The following KCNMB2 variants were observed in gnomAD, a reference collection of about 807,000 sequenced individuals.
KCNMB2 encodes potassium calcium-activated channel subfamily M regulatory beta subunit 2.
KCNMB2 carries 9 observed loss-of-function variants against 24.5 expected under a neutral mutation model. The ratio of observed to expected loss-of-function variants is 0.37; its 90% confidence interval spans 0.22 to 0.64. The LOEUF (loss-of-function observed/expected upper bound fraction) is 0.64, where lower values mean the gene tolerates loss of function less well. KCNMB2 is among the 30% of genes least tolerant of loss of function. KCNMB2 has a pLI of 0.63. For missense variants in KCNMB2, 226 were observed against 284.3 expected (o/e 0.79, Z 1.47); for synonymous variants, 109 against 104.4 (o/e 1.04, Z -0.27).
At chr3:178,799,499 C>T (rs2108446610) in intron 1 of KCNMB2, among the ~76,000 whole-genome samples, 1 of 152,002 alleles carries the variant, frequency 6.6e-6, no homozygotes, top group South Asian at 2.1e-4. Flanking sequence ...ACAATGAAAA[C>T]TATAAAACAA....
chr3:178,788,219 C>T (rs56126164), intron 1 of KCNMB2, among the ~76,000 whole-genome samples: 21,672 of 152,034 alleles, frequency 0.14, 1,870 homozygotes, highest in Admixed American at 0.18. Context: ...GCTGTGTATG[C>T]GTGATGCCCA....
rs187811407 is a variant in KCNMB2, at chr3:178,657,938, A to C, written c.-68+121227A>C. Among the ~76,000 whole-genome samples, 5 of 152,322 alleles carry C rather than the reference A, an allele frequency of 3.3e-5. No homozygotes were observed. In the East Asian group the frequency reaches 7.7e-4, roughly 24 times the overall value. On this transcript the variant is annotated intron_variant, in intron 1 of 4. Transcript: ENST00000452583. ...GAAAGCAATGCATCCTAATGACCTA[A>C]TTGCTTCTTAAATGAACCACCTCCC...
At chr3:178,690,178 A>T (rs1216231896) in intron 1 of KCNMB2, among the ~76,000 whole-genome samples, 1 of 152,206 alleles carries the variant, frequency 6.6e-6, no homozygotes, top group Non-Finnish European at 1.5e-5. Context: ...TGTGAATCTT[A>T]TCATTGTATG....
intron 1 of KCNMB2, among the ~76,000 whole-genome samples, chr3:178,571,447 GATATAT>G (rs71181237): frequency 0.023 from 2,059 of 90,970 alleles, 48 homozygotes; most frequent in Non-Finnish European, 0.026. Flanking sequence ...TTTCCTTATG[GATATAT>G]ATATATATAT....
chr3:178,686,249 A>G (rs1721467589), intron 1 of KCNMB2, among the ~76,000 whole-genome samples: 1 of 152,232 alleles, frequency 6.6e-6, no homozygotes, highest in African/African-American at 2.4e-5. Flanking sequence ...ATAAAGTTCT[A>G]CGTGGCATGG....
At chr3:178,577,141 T>C (rs1450206967) in intron 1 of KCNMB2, among the ~76,000 whole-genome samples, 1 of 152,018 alleles carries the variant, frequency 6.6e-6, no homozygotes, top group Non-Finnish European at 1.5e-5. Context: ...GGTGGGTGCC[T>C]CTCTGGGACA....
At chr3:178,639,621 T>C (rs1158423474) in intron 1 of KCNMB2, among the ~76,000 whole-genome samples, 1 of 152,234 alleles carries the variant, frequency 6.6e-6, no homozygotes, top group Non-Finnish European at 1.5e-5. Flanking sequence ...AGGAGTAACT[T>C]TCCCCTTTGG....
intron 2 of KCNMB2, among the ~76,000 whole-genome samples, chr3:178,808,779 C>A (rs1219509250): frequency 6.6e-6 from 1 of 151,914 alleles, no homozygotes; most frequent in African/African-American, 2.4e-5. Context: ...ACGATTGCAG[C>A]CACAAAAAAT....
intron 1 of KCNMB2, among the ~76,000 whole-genome samples, chr3:178,631,495 C>T (rs1481223240): frequency 6.6e-6 from 1 of 152,252 alleles, no homozygotes; most frequent in African/African-American, 2.4e-5. Context: ...GCTGGCATTC[C>T]TTAATTCCCT....
intron 1 of KCNMB2, among the ~76,000 whole-genome samples, chr3:178,609,458 G>A (rs1342498274): frequency 6.7e-6 from 1 of 149,412 alleles, no homozygotes; most frequent in African/African-American, 2.4e-5. Flanking sequence ...TACAACCCTT[G>A]CTGTGCAGAA....
intron 1 of KCNMB2, among the ~76,000 whole-genome samples, chr3:178,611,789 T>A (rs891898459): frequency 2.0e-5 from 3 of 152,194 alleles, no homozygotes; most frequent in African/African-American, 7.2e-5. Flanking sequence ...ATTTTTATAC[T>A]AATTATGGGA....
intron 2 of KCNMB2, among the ~76,000 whole-genome samples, chr3:178,810,565 T>C (rs1019818786): frequency 3.9e-5 from 6 of 152,256 alleles, no homozygotes; most frequent in Non-Finnish European, 8.8e-5. Flanking sequence ...TCAGTTTTAC[T>C]TTTTTTTCCT....
At chr3:178,780,418 A>G (rs948847417) in intron 1 of KCNMB2, among the ~76,000 whole-genome samples, 1 of 152,232 alleles carries the variant, frequency 6.6e-6, no homozygotes, top group Non-Finnish European at 1.5e-5. Flanking sequence ...GTTGAGACTC[A>G]GGGATGCAAG....
intron 1 of KCNMB2, among the ~76,000 whole-genome samples, chr3:178,793,669 G>C (rs191622224): frequency 3.5e-4 from 53 of 152,228 alleles, no homozygotes; most frequent in African/African-American, 1.2e-3. Context: ...AGCAGGTTCT[G>C]AGCAGAAGAC....
chr3:178,548,018 C>T (rs1715831182), intron 1 of KCNMB2, among the ~76,000 whole-genome samples: 1 of 152,216 alleles, frequency 6.6e-6, no homozygotes, highest in Non-Finnish European at 1.5e-5. Flanking sequence ...ACTGATTCTT[C>T]TTTCAAAATA....
At chr3:178,741,758 C>T (rs137871934) in intron 1 of KCNMB2, among the ~76,000 whole-genome samples, 5 of 152,164 alleles carry the variant, frequency 3.3e-5, no homozygotes, top group Non-Finnish European at 7.4e-5. Flanking sequence ...AGTGTGTAGT[C>T]TGGTCAACAA....
chr3:178,712,541 G>A (rs1448996270), intron 1 of KCNMB2, among the ~76,000 whole-genome samples: 1 of 152,172 alleles, frequency 6.6e-6, no homozygotes, highest in Non-Finnish European at 1.5e-5. Context: ...GCCAATGATA[G>A]CTGACATTTA....
intron 1 of KCNMB2, among the ~76,000 whole-genome samples, chr3:178,731,771 C>T (rs1345118702): frequency 2.6e-5 from 4 of 152,148 alleles, no homozygotes; most frequent in African/African-American, 9.7e-5. Flanking sequence ...GCCATGGTGG[C>T]ACATGCCTGT....
intron 1 of KCNMB2, among the ~76,000 whole-genome samples, chr3:178,545,990 T>A (rs1715760344): frequency 6.6e-6 from 1 of 152,190 alleles, no homozygotes; most frequent in Non-Finnish European, 1.5e-5. Context: ...CATGTGAGGC[T>A]CTCTGTGTAG....
Sources: gnomAD v4.1 joint callset for allele counts (sites outside exome capture counted in the v4.1 genomes callset) on GRCh38, gnomAD v4.1.1 for gene constraint, MANE v1.5 for transcripts, NCBI Gene and HGNC (gene_info 2026-07-23, HGNC 2026-07-21) for gene names.